The following B3GAT2 variants were observed in gnomAD, a reference collection of about 807,000 sequenced individuals.
B3GAT2 encodes galactosylgalactosylxylosylprotein 3-beta-glucuronosyltransferase 2.
Under a neutral mutation model 27.8 loss-of-function variants are expected in B3GAT2, and 26 were observed. The ratio of observed to expected loss-of-function variants is 0.93; its 90% CI spans 0.68 to 1.30. The LOEUF (loss-of-function observed/expected upper bound fraction) is 1.30, where lower values mean the gene tolerates loss of function less well. Ranked by LOEUF, B3GAT2 falls within the 50% of genes most tolerant of loss-of-function variation. The pLI, the probability that B3GAT2 is intolerant of heterozygous loss-of-function variation, is 0.00. For missense variants in B3GAT2, 458 were observed against 459.0 expected (o/e 1.00, Z 0.02); for synonymous variants, 218 against 195.1 (o/e 1.12, Z -0.98).
chr6:70,904,630 A>G (rs1772566775), intron 1 of B3GAT2, among the ~76,000 whole-genome samples: 1 of 152,188 alleles, frequency 6.6e-6, no homozygotes, highest in Non-Finnish European at 1.5e-5. Context: ...GGACAAGTTC[A>G]ATGAAGACAG....
chr6:70,926,421 A>G (rs1285071093), intron 1 of B3GAT2, among the ~76,000 whole-genome samples: 1 of 152,164 alleles, frequency 6.6e-6, no homozygotes, highest in African/African-American at 2.4e-5. Context: ...GAAGCTAAAA[A>G]CCTGGAAAAA....
At chr6:70,902,631 T>TAC (rs1182910631) in intron 1 of B3GAT2, among the ~76,000 whole-genome samples, 233 of 142,650 alleles carry the variant, frequency 1.6e-3, no homozygotes, top group African/African-American at 6.3e-3. Flanking sequence ...TATATATATA[T>TAC]ATATATACAC....
chr6:70,927,880 TA>T (rs1445221465), intron 1 of B3GAT2, among the ~76,000 whole-genome samples: 5 of 152,188 alleles, frequency 3.3e-5, no homozygotes, highest in Non-Finnish European at 7.3e-5. Flanking sequence ...TAACAGAATA[TA>T]CTTTCTTCTC....
chr6:70,935,737 G>A lies in B3GAT2; in HGVS notation c.591+20102C>T, dbSNP rs575331773. Reference sequence around the variant, plus strand: ...TGTCACCACCAGGCCTGCCTTACAAGAGCTCCTGAAGGAAGCACTAAACAT... The same window carrying A: ...TGTCACCACCAGGCCTGCCTTACAAAAGCTCCTGAAGGAAGCACTAAACAT... On this transcript the variant is annotated intron_variant, in intron 1 of 3. Transcript: ENST00000230053. 1.5e-4 allele frequency among the ~76,000 whole-genome samples: 23 copies of A among 152,108 alleles called. No individual in the cohort carries two copies. In the East Asian group the frequency reaches 4.2e-3, roughly 28 times the overall value.
At chr6:70,868,249 T>C (rs1186958200) in intron 2 of B3GAT2, among the ~76,000 whole-genome samples, 9 of 152,208 alleles carry the variant, frequency 5.9e-5, no homozygotes, top group African/African-American at 1.7e-4. Flanking sequence ...AAGATTGGAA[T>C]GAGGCAAGGA....
At position 70,866,349 on chromosome 6, in the gene B3GAT2, A is replaced by G. The variant is rs618227; in HGVS notation, c.737-4371T>C. On this transcript the variant is annotated intron_variant, in intron 2 of 3. Transcript: ENST00000230053. Reference sequence around the variant, plus strand: ...CCTGGAAAGGATCAAAATGTTTCCAAGTTAACTCAGTTGTGTCCCAGTACA... The same window carrying G: ...CCTGGAAAGGATCAAAATGTTTCCAGGTTAACTCAGTTGTGTCCCAGTACA... Among the ~76,000 whole-genome samples the G allele has an allele frequency of 4.5e-3, 681 of 152,338 alleles. 6 individuals are homozygous for G. Among genetic ancestry groups the G allele is most frequent in the African/African-American group, 0.016 (650 of 41,590 alleles).
intron 1 of B3GAT2, among the ~76,000 whole-genome samples, chr6:70,922,353 T>C (rs2460695): frequency 0.17 from 25,348 of 152,202 alleles, 2,596 homozygotes; most frequent in East Asian, 0.44. Flanking sequence ...CTCAATCTAA[T>C]TGACAAATAT....
chr6:70,947,909 T>C (rs1299046729), intron 1 of B3GAT2, among the ~76,000 whole-genome samples: 3 of 152,116 alleles, frequency 2.0e-5, no homozygotes, highest in Non-Finnish European at 4.4e-5. Flanking sequence ...ATCCCTGGGA[T>C]GCAAGGCTGG....
chr6:70,936,649 G>T (rs1019282127), intron 1 of B3GAT2, among the ~76,000 whole-genome samples: 47 of 152,186 alleles, frequency 3.1e-4, no homozygotes, highest in Middle Eastern at 3.5e-3. Flanking sequence ...GCTCCTGAAT[G>T]ACTACTGGGT....
chr6:70,957,017 G>C lies in B3GAT2; in HGVS notation c.-588C>G. On this transcript the variant is annotated 5_prime_UTR_variant, in exon 1 of 4. Transcript: ENST00000230053. ...GCGCCGCAGCGGAAGCCTGCTCTCA[G>C]TCCCTTGCTCTTGTCTTCTCAGAAC... The C allele has an allele frequency of 1.0e-6, 1 of 996,692 alleles. No individual in the cohort carries two copies. Among genetic ancestry groups the C allele is most frequent in the Non-Finnish European group, 1.2e-6 (1 of 837,946 alleles). The allele number at this position is 996,692 out of a possible 1,614,324, so 61.7% of individuals were successfully genotyped here. A position where few individuals can be genotyped will look rare whatever the true frequency, so the allele number is the denominator to read the frequency against.
intron 1 of B3GAT2, among the ~76,000 whole-genome samples, chr6:70,945,451 T>C (rs191890228): frequency 2.6e-5 from 4 of 152,056 alleles, no homozygotes; most frequent in African/African-American, 9.6e-5. Context: ...GCTGATGCGA[T>C]CAACTGGAAG....
At chr6:70,868,719 TC>T (rs202033605) in intron 2 of B3GAT2, among the ~76,000 whole-genome samples, 103 of 151,376 alleles carry the variant, frequency 6.8e-4, no homozygotes, top group African/African-American at 2.3e-3. Context: ...AGCCTCTCTT[TC>T]CCCCCCCACG....
rs766309638 is a variant in B3GAT2, at chr6:70,956,094, G to A, written c.336C>T (p.His112=). ...ANTFRQVAQL[H]WILVEDAAAR... ...CCGCCGCGTCCTCCACCAGGATCCA[G>A]TGCAGCTGCGCCACCTGGCGGAACG... Residue 112 remains histidine, a synonymous_variant, in exon 1 of 4, where the codon CAC becomes CAT. Transcript: ENST00000230053. The A allele has an allele frequency of 6.2e-7, 1 of 1,600,400 alleles. No homozygotes were observed. Among genetic ancestry groups the A allele is most frequent in the South Asian group, 1.1e-5 (1 of 89,506 alleles).
intron 2 of B3GAT2, 141 bp downstream of exon 2, chr6:70,893,987 A>C: frequency 1.1e-6 from 1 of 914,892 alleles, no homozygotes; most frequent in Non-Finnish European, 1.5e-6. Flanking sequence ...GAAGGTTTAA[A>C]TATTTCATCT....
Position 70,858,306 on chromosome 6 carries a change from T to C in B3GAT2, c.*3357A>G, listed in dbSNP as rs1771530693. On this transcript the variant is annotated 3_prime_UTR_variant, in exon 4 of 4. Coordinates refer to ENST00000230053, the MANE Select transcript of B3GAT2 (RefSeq NM_080742.3). Reference sequence around the variant, plus strand: ...CTAAATCTTTTTTTTTTTTTTTTTTTTTTTTTTTTAAGTCTAGTGATCTGG... The same window carrying C: ...CTAAATCTTTTTTTTTTTTTTTTTTCTTTTTTTTTAAGTCTAGTGATCTGG... The C allele has an allele frequency of 7.9e-7, 1 of 1,269,998 alleles. No individual in the cohort carries two copies. The highest frequency in any genetic ancestry group is 1.0e-6 in the Non-Finnish European group (1 of 952,866). 78.7% of individuals were successfully genotyped at this position (1,269,998 alleles called of 1,614,324 possible).
intron 1 of B3GAT2, among the ~76,000 whole-genome samples, chr6:70,902,637 T>TATATATATAC (rs1491331231): frequency 2.6e-4 from 35 of 133,470 alleles, no homozygotes; most frequent in Admixed American, 1.7e-3. Context: ...TATATATATA[T>TATATATATAC]ACACACACAC....
intron 2 of B3GAT2, among the ~76,000 whole-genome samples, chr6:70,867,238 T>C (rs1771865585): frequency 6.6e-6 from 1 of 152,086 alleles, no homozygotes; most frequent in Non-Finnish European, 1.5e-5. Context: ...CTGAATTCAA[T>C]AACCTAAGCT....
At chr6:70,922,746 G>A (rs1204927982) in intron 1 of B3GAT2, among the ~76,000 whole-genome samples, 1 of 151,850 alleles carries the variant, frequency 6.6e-6, no homozygotes, top group African/African-American at 2.4e-5. Flanking sequence ...AAAGATCTAA[G>A]TTTTCATCTC....
intron 2 of B3GAT2, among the ~76,000 whole-genome samples, chr6:70,891,031 C>T (rs555144822): frequency 2.0e-5 from 3 of 152,362 alleles, no homozygotes; most frequent in South Asian, 2.1e-4. Flanking sequence ...TTCTTACTGA[C>T]ACCTCCCTGG....
Sources: gnomAD v4.1 joint callset for allele counts (sites outside exome capture counted in the v4.1 genomes callset) on GRCh38, gnomAD v4.1.1 for gene constraint, MANE v1.5 for transcripts, NCBI Gene and HGNC (gene_info 2026-07-23, HGNC 2026-07-21) for gene names.